ADGRA3: variants seen among roughly 807,000 people sequenced by gnomAD.
The protein encoded by ADGRA3 is adhesion G protein-coupled receptor A3.
ADGRA3 carries 56 observed loss-of-function variants against 119.8 expected under a neutral mutation model. The ratio of observed to expected loss-of-function variants is 0.47; its 90% CI spans 0.38 to 0.58. The LOEUF (loss-of-function observed/expected upper bound fraction) is 0.58. Ranked by LOEUF, ADGRA3 falls within the 20% of genes least tolerant of loss-of-function variation. The probability of loss-of-function intolerance (pLI) is 0.00; values close to 1 mark genes in which losing one functional copy is unlikely to be tolerated. For synonymous variants in ADGRA3, 607 were observed against 623.8 expected (o/e 0.97, Z 0.40); for missense variants, 1,516 against 1,649.0 (o/e 0.92, Z 1.40).
intron 1 of ADGRA3, among the ~76,000 whole-genome samples, chr4:22,496,866 C>T (rs1395920445): frequency 6.6e-6 from 1 of 152,188 alleles, no homozygotes; most frequent in African/African-American, 2.4e-5. Context: ...ACATGTGCCA[C>T]CACCCCCCAT....
At chr4:22,490,444 C>T (rs895566116) in intron 1 of ADGRA3, among the ~76,000 whole-genome samples, 1 of 152,028 alleles carries the variant, frequency 6.6e-6, no homozygotes, top group Non-Finnish European at 1.5e-5. Flanking sequence ...TCCTGAGGTT[C>T]TTATAGGAGT....
Position 22,444,999 on chromosome 4 carries a change from C to A in ADGRA3, c.680G>T (p.Gly227Val). Reference sequence around the variant, plus strand: ...GCATGTCAACAGCTCCTGCTTCACGCCTGTGACTGGTTGGGCCTGCAGTGA... The same window carrying A: ...GCATGTCAACAGCTCCTGCTTCACGACTGTGACTGGTTGGGCCTGCAGTGA... ...PKSLQAQPVTGVKQELLTCDP... is the reference protein window; with the variant it reads ...PKSLQAQPVTVVKQELLTCDP... Residue 227 changes from glycine to valine, a missense_variant, in exon 6 of 19, where the codon GGC (glycine) becomes GTC (valine). Gly to Val is a moderately radical substitution (Grantham distance 109). Transcript: ENST00000334304. The A allele has an allele frequency of 6.2e-7, 1 of 1,613,482 alleles. No homozygotes were observed. Among genetic ancestry groups the A allele is most frequent in the Non-Finnish European group, 8.5e-7 (1 of 1,179,914 alleles).
chr4:22,403,666 C>T (rs1714767247), intron 14 of ADGRA3, among the ~76,000 whole-genome samples: 2 of 151,998 alleles, frequency 1.3e-5, no homozygotes, highest in South Asian at 2.1e-4. Context: ...CACTTGAGTC[C>T]AGGAGGTCAA....
intron 10 of ADGRA3, among the ~76,000 whole-genome samples, chr4:22,424,945 C>T (rs1489906539): frequency 6.6e-6 from 1 of 151,978 alleles, no homozygotes; most frequent in Non-Finnish European, 1.5e-5. Context: ...CATGGTGGCC[C>T]ATGCCTATAG....
At chr4:22,421,881 C>CCA (rs767609157) in intron 11 of ADGRA3, among the ~76,000 whole-genome samples, 9 of 70,442 alleles carry the variant, frequency 1.3e-4, no homozygotes, top group African/African-American at 5.8e-4. Flanking sequence ...ACTCAGTCTC[C>CCA]AAAAAAAAAA....
intron 10 of ADGRA3, among the ~76,000 whole-genome samples, chr4:22,430,486 A>G (rs532654575): frequency 6.6e-6 from 1 of 152,294 alleles, no homozygotes; most frequent in South Asian, 2.1e-4. Context: ...CCCCTGCTCT[A>G]GAGATTTGTG....
intron 11 of ADGRA3, 89 bp downstream of exon 11, chr4:22,424,102 C>T: frequency 9.5e-7 from 1 of 1,051,216 alleles, no homozygotes. Flanking sequence ...ATATCCACCC[C>T]ATAATGGAGA....
intron 2 of ADGRA3, among the ~76,000 whole-genome samples, chr4:22,471,056 G>C (rs1358205745): frequency 1.3e-5 from 2 of 152,148 alleles, no homozygotes; most frequent in Non-Finnish European, 2.9e-5. Context: ...GCTTTCATTT[G>C]GAAGACATAG....
intron 2 of ADGRA3, among the ~76,000 whole-genome samples, chr4:22,467,962 T>C (rs1027121757): frequency 1.3e-5 from 2 of 152,212 alleles, no homozygotes; most frequent in African/African-American, 4.8e-5. Context: ...CCAGGTAAGA[T>C]GCCTTTAACT....
intron 1 of ADGRA3, among the ~76,000 whole-genome samples, chr4:22,497,129 G>C (rs1390230309): frequency 1.3e-5 from 2 of 152,172 alleles, no homozygotes; most frequent in Non-Finnish European, 2.9e-5. Flanking sequence ...AGACAACAGA[G>C]GGTTGACAGG....
At chr4:22,414,498 T>C in intron 12 of ADGRA3, 1 of 598,246 alleles carries the variant, frequency 1.7e-6, no homozygotes, top group Non-Finnish European at 2.9e-6. Context: ...ACCAAAGAAG[T>C]GAACAATTAA....
intron 4 of ADGRA3, among the ~76,000 whole-genome samples, chr4:22,453,472 T>C (rs1717133394): frequency 1.3e-5 from 2 of 152,196 alleles, no homozygotes; most frequent in African/African-American, 4.8e-5. Context: ...TGTTCTACTC[T>C]AATAATTGAT....
chr4:22,450,217 T>C (rs879747515), intron 4 of ADGRA3, among the ~76,000 whole-genome samples: 3 of 150,946 alleles, frequency 2.0e-5, no homozygotes, highest in Non-Finnish European at 4.4e-5. Flanking sequence ...AATAAGCTCA[T>C]AGAATGGAGC....
chr4:22,475,794 G>A (rs377524245), intron 1 of ADGRA3, among the ~76,000 whole-genome samples: 7 of 151,964 alleles, frequency 4.6e-5, no homozygotes, highest in Non-Finnish European at 1.0e-4. Flanking sequence ...GGTGGGATGC[G>A]GATGAGGGAT....
At chr4:22,451,846 C>T (rs1382233113) in intron 4 of ADGRA3, among the ~76,000 whole-genome samples, 1 of 152,172 alleles carries the variant, frequency 6.6e-6, no homozygotes, top group Non-Finnish European at 1.5e-5. Flanking sequence ...AGGAAGATCT[C>T]TGATTCCTAA....
intron 10 of ADGRA3, among the ~76,000 whole-genome samples, chr4:22,429,356 C>T (rs1716067913): frequency 6.6e-6 from 1 of 152,158 alleles, no homozygotes; most frequent in Admixed American, 6.5e-5. Flanking sequence ...TTTGTTAATG[C>T]ATCACTGAGA....
At position 22,436,429 on chromosome 4, in the gene ADGRA3, T is replaced by C; in HGVS notation, c.1287+11A>G. The C allele has an allele frequency of 6.2e-7, 1 of 1,604,720 alleles. No homozygotes were observed. The highest frequency in any genetic ancestry group is 8.5e-7 in the Non-Finnish European group (1 of 1,173,476). On this transcript the variant is annotated intron_variant, in intron 9 of 18. Coordinates refer to ENST00000334304, the MANE Select transcript of ADGRA3 (RefSeq NM_145290.4). ...CCACAACCCAAGTAAACATGAAGAC[T>C]TTCTAGTTACCTGATTAAACATATA... is the stretch of plus-strand genomic sequence containing the variant.
At chr4:22,500,107 C>T (rs1718998778) in intron 1 of ADGRA3, among the ~76,000 whole-genome samples, 1 of 152,146 alleles carries the variant, frequency 6.6e-6, no homozygotes, top group Non-Finnish European at 1.5e-5. Context: ...TTGAGATGGT[C>T]GACCTGCACT....
chr4:22,442,832 C>T lies in ADGRA3; in HGVS notation c.738G>A (p.Met246Ile). The T allele has an allele frequency of 6.2e-7, 1 of 1,613,102 alleles. No homozygotes were observed. Among genetic ancestry groups the T allele is most frequent in the South Asian group, 1.1e-5 (1 of 91,036 alleles). ...ACACAACTTGGCGATGAGATGGAGTCATGTAGAAAGACGGCAATTCAAGCG... is the reference window on the plus strand; with the variant it reads ...ACACAACTTGGCGATGAGATGGAGTTATGTAGAAAGACGGCAATTCAAGCG... ...DPPLELPSFY[M>I]TPSHRQVVFE... Residue 246 changes from methionine (M) to isoleucine (I), a missense_variant, in exon 7 of 19, where the codon ATG (methionine) becomes ATA (isoleucine). By Grantham distance (10) the Met-to-Ile change is conservative (BLOSUM62 1). Coordinates refer to ENST00000334304, the MANE Select transcript of ADGRA3 (RefSeq NM_145290.4).
Sources: gnomAD v4.1 joint callset for allele counts (sites outside exome capture counted in the v4.1 genomes callset) on GRCh38, gnomAD v4.1.1 for gene constraint, MANE v1.5 for transcripts, NCBI Gene and HGNC (gene_info 2026-07-23, HGNC 2026-07-21) for gene names.